TRIP4: variants seen among roughly 807,000 people sequenced by gnomAD.
The protein encoded by TRIP4 is thyroid hormone receptor interactor 4.
TRIP4 carries 54 observed loss-of-function variants against 81.8 expected under a neutral mutation model. The ratio of observed to expected loss-of-function variants is 0.66; its 90% CI spans 0.53 to 0.83. The LOEUF (loss-of-function observed/expected upper bound fraction) is 0.83. Ranked by LOEUF, TRIP4 falls within the 40% of genes least tolerant of loss-of-function variation. The pLI is 0.00. For missense variants in TRIP4, 662 were observed against 683.6 expected (o/e 0.97, Z 0.35); for synonymous variants, 270 against 242.8 (o/e 1.11, Z -1.04).
intron 1 of TRIP4, among the ~76,000 whole-genome samples, chr15:64,389,708 C>CTTTTTT (rs368526429): frequency 7.9e-6 from 1 of 127,288 alleles, no homozygotes. Context: ...AAAATTTTCA[C>CTTTTTT]TTTTTTTTTT....
intron 9 of TRIP4, among the ~76,000 whole-genome samples, chr15:64,422,871 T>C (rs1391760635): frequency 2.6e-5 from 4 of 152,190 alleles, no homozygotes; most frequent in Non-Finnish European, 5.9e-5. Context: ...TATACATTGG[T>C]TCATTCCCCA....
chr15:64,409,867 C>G (rs770141555), intron 7 of TRIP4, 39 bp downstream of exon 7: 2 of 1,567,138 alleles, frequency 1.3e-6, no homozygotes, highest in African/African-American at 2.7e-5. Flanking sequence ...AAAGAAGGAA[C>G]AGGTTGACCA....
At chr15:64,431,392 G>T (rs1892268482) in intron 11 of TRIP4, among the ~76,000 whole-genome samples, 1 of 152,076 alleles carries the variant, frequency 6.6e-6, no homozygotes, top group African/African-American at 2.4e-5. Flanking sequence ...ATGTAGTTTT[G>T]GAATTCTCTT....
chr15:64,425,397 A>C, intron 10 of TRIP4, 143 bp from the exon 11 acceptor site: 1 of 741,562 alleles, frequency 1.3e-6, no homozygotes, highest in South Asian at 1.8e-5. Flanking sequence ...AGTTGTGCCA[A>C]GTAAATTTCA....
chr15:64,427,997 C>A (rs572271157), intron 11 of TRIP4, among the ~76,000 whole-genome samples: 35 of 151,450 alleles, frequency 2.3e-4, no homozygotes, highest in African/African-American at 8.2e-4. Flanking sequence ...TATAAAAATA[C>A]CTTACACTGG....
chr15:64,408,494 T>G (rs1214473046), intron 6 of TRIP4, among the ~76,000 whole-genome samples: 1 of 150,760 alleles, frequency 6.6e-6, no homozygotes, highest in African/African-American at 2.4e-5. Context: ...CTCCTGACCT[T>G]GTGATCCGTC....
chr15:64,388,901 T>A, intron 1 of TRIP4, among the ~76,000 whole-genome samples: 1 of 152,196 alleles, frequency 6.6e-6, no homozygotes, highest in East Asian at 1.9e-4. Context: ...TGACTTAATA[T>A]CTACTTTCAA....
In TRIP4 at chr15:64,449,477, A is replaced by G. The variant is rs1202475445; in HGVS notation, c.1678+4369A>G. 2.0e-5 allele frequency among the ~76,000 whole-genome samples: 3 copies of G among 151,888 alleles called. No homozygotes were observed. In the East Asian group the frequency reaches 5.8e-4, roughly 29 times the overall value. On this transcript the variant is annotated intron_variant, in intron 12 of 12. Transcript: ENST00000261884. ...AGCCTCCCAAGTAGCTGGAACTACT[A>G]TGTAGATATACACTACTATGATGCC...
intron 3 of TRIP4, 21 bp downstream of exon 3, chr15:64,395,552 G>T: frequency 1.9e-6 from 3 of 1,592,300 alleles, no homozygotes; most frequent in Non-Finnish European, 2.6e-6. Context: ...ATAGATTGAA[G>T]CTTTTTCTGA....
chr15:64,409,692 C>T lies in TRIP4; in HGVS notation c.907C>T (p.Arg303Trp), dbSNP rs183898974. The change falls in exon 7 of 13, where the codon CGG becomes TGG. Residue 303 changes from arginine (R) to tryptophan (W), a missense_variant. By Grantham distance (101) the Arg-to-Trp change is moderately radical. Transcript: ENST00000261884. ...DSNQWLSKLE[R>W]ETLQKREEEL... Reference sequence around the variant, plus strand: ...TAACCAATGGTTGTCCAAACTTGAGCGGGAAACCTTGCAGAAGCGAGAGGA... The same window carrying T: ...TAACCAATGGTTGTCCAAACTTGAGTGGGAAACCTTGCAGAAGCGAGAGGA... 139 of 1,614,136 alleles carry T rather than the reference C, an allele frequency of 8.6e-5. No homozygotes were observed. Among genetic ancestry groups the T allele is most frequent in the Non-Finnish European group, 1.1e-4 (131 of 1,180,038 alleles).
At position 64,444,826 on chromosome 15, in the gene TRIP4, G is replaced by C. The variant is rs76207850; in HGVS notation, c.1576-180G>C. On this transcript the variant is annotated intron_variant, in intron 11 of 12. Transcript: ENST00000261884. ...GGCAGGCAATAGACTGTATAATGCTGTACTAAGGATTGTAGAAAGGTGAAG... is the reference window on the plus strand; with the variant it reads ...GGCAGGCAATAGACTGTATAATGCTCTACTAAGGATTGTAGAAAGGTGAAG... The C allele has an allele frequency of 3.9e-3, 1,491 of 386,858 alleles. 23 individuals carry two copies. The highest frequency in any genetic ancestry group is 0.031 in the African/African-American group (1,385 of 44,168). The allele number at this position is 386,858 out of a possible 1,614,324, so 24.0% of individuals were successfully genotyped here.
intron 9 of TRIP4, among the ~76,000 whole-genome samples, chr15:64,421,500 T>TA (rs898434773): frequency 6.6e-6 from 1 of 151,218 alleles, no homozygotes; most frequent in African/African-American, 2.4e-5. Flanking sequence ...CATGCCCGGC[T>TA]AATTTTTGTA....
intron 12 of TRIP4, among the ~76,000 whole-genome samples, chr15:64,447,667 T>C (rs1892663872): frequency 6.6e-6 from 1 of 152,230 alleles, no homozygotes; most frequent in South Asian, 2.1e-4. Flanking sequence ...GGTACTCCAG[T>C]TGGTGGCCCA....
At chr15:64,450,311 C>T (rs1197454631) in intron 12 of TRIP4, among the ~76,000 whole-genome samples, 1 of 151,196 alleles carries the variant, frequency 6.6e-6, no homozygotes, top group Non-Finnish European at 1.5e-5. Flanking sequence ...ATGGCGTGAA[C>T]CCGGGAGGCG....
intron 7 of TRIP4, among the ~76,000 whole-genome samples, chr15:64,412,161 T>C (rs566184598): frequency 2.0e-5 from 3 of 152,218 alleles, no homozygotes; most frequent in Non-Finnish European, 2.9e-5. Context: ...TTGAGTGTTC[T>C]GAAAATGTAT....
chr15:64,433,643 T>C (rs1319561380), intron 11 of TRIP4, among the ~76,000 whole-genome samples: 2 of 152,108 alleles, frequency 1.3e-5, no homozygotes, highest in Non-Finnish European at 2.9e-5. Context: ...TGTCAGTTAA[T>C]GGTAGAGTTA....
intron 11 of TRIP4, among the ~76,000 whole-genome samples, chr15:64,439,242 C>T (rs1892465311): frequency 6.6e-6 from 1 of 152,140 alleles, no homozygotes; most frequent in African/African-American, 2.4e-5. Context: ...CTGTTTATCA[C>T]AGAGCACAGT....
In TRIP4 at chr15:64,455,299, T is replaced by C. The variant is rs925056062; in HGVS notation, c.*235T>C. 2.6e-6 allele frequency: 1 copy of C among 390,988 alleles called. No individual in the cohort carries two copies. The highest frequency in any genetic ancestry group is 2.1e-5 in the African/African-American group (1 of 48,304). 24.2% of individuals were successfully genotyped at this position (390,988 alleles called of 1,614,324 possible). On this transcript the variant is annotated 3_prime_UTR_variant, in exon 13 of 13. Transcript: ENST00000261884. ...TATTTATAAAAACCTGTTTAAAAATTCTAAGTCTTTTGACATTTTTCTTAG... is the reference window on the plus strand; with the variant it reads ...TATTTATAAAAACCTGTTTAAAAATCCTAAGTCTTTTGACATTTTTCTTAG...
At chr15:64,419,500 A>T (rs2140297878) in intron 9 of TRIP4, among the ~76,000 whole-genome samples, 1 of 151,854 alleles carries the variant, frequency 6.6e-6, no homozygotes, top group South Asian at 2.1e-4. Flanking sequence ...CTGGGACTAC[A>T]GGCGCCCGCC....
Sources: allele counts gnomAD v4.1 joint callset (sites outside exome capture counted in the v4.1 genomes callset), GRCh38; gene constraint gnomAD v4.1.1; transcripts MANE v1.5; gene names NCBI Gene and HGNC (gene_info 2026-07-23, HGNC 2026-07-21).